The following OXR1 variants were observed in gnomAD, a reference collection of about 807,000 sequenced individuals.
OXR1 encodes oxidation resistance 1.
OXR1 carries 41 observed loss-of-function variants against 104.6 expected under a neutral mutation model. That is an observed-to-expected ratio of 0.39 (90% CI 0.31 to 0.51). The LOEUF is 0.51. Among genes scored for constraint, OXR1 ranks in the 20% least tolerant of loss-of-function variants. The pLI, the probability that OXR1 is intolerant of heterozygous loss-of-function variation, is 0.77. For missense variants in OXR1, 955 were observed against 1,031.9 expected, an observed-to-expected ratio of 0.93 and a Z score of 1.02; for synonymous variants, 348 against 348.4, an observed-to-expected ratio of 1.00 and a Z score of 0.01.
chr8:106,706,779 G>T lies in OXR1; in HGVS notation c.1258G>T (p.Ala420Ser), dbSNP rs1422463446. Residue 420 changes from alanine (A) to serine (S), a missense_variant, in exon 9 of 17, where the codon GCC becomes TCC. Coordinates refer to ENST00000517566, the MANE Select transcript of OXR1 (RefSeq NM_001198533.2). ...HKTDLNNLEM[A>S]IKEDQIADNF... ...AACTGATTTAAATAATCTTGAAATG[G>T]CCATTAAGGAAGATCAGATTGCAGA... The T allele has an allele frequency of 6.2e-7, 1 of 1,612,508 alleles. No individual in the cohort carries two copies. Among genetic ancestry groups the T allele is most frequent in the Admixed American group, 1.7e-5 (1 of 59,612 alleles).
intron 2 of OXR1, among the ~76,000 whole-genome samples, chr8:106,477,070 T>C (rs1297681425): frequency 6.6e-6 from 1 of 152,024 alleles, no homozygotes; most frequent in African/African-American, 2.4e-5. Flanking sequence ...CAGACCTCAA[T>C]CTACAGTACA....
intron 3 of OXR1, among the ~76,000 whole-genome samples, chr8:106,574,719 A>T (rs978068915): frequency 2.0e-5 from 3 of 152,244 alleles, no homozygotes; most frequent in Non-Finnish European, 4.4e-5. Context: ...AGGTTGTCCA[A>T]ATAGAAATAA....
At chr8:106,708,273 C>T (rs1466983936) in intron 9 of OXR1, among the ~76,000 whole-genome samples, 1 of 151,996 alleles carries the variant, frequency 6.6e-6, no homozygotes, top group African/African-American at 2.4e-5. Flanking sequence ...ATGGTGCACA[C>T]CTGTAGGCCC....
intron 3 of OXR1, among the ~76,000 whole-genome samples, chr8:106,640,806 C>T (rs534479884): frequency 1.3e-5 from 2 of 152,212 alleles, no homozygotes; most frequent in Admixed American, 1.3e-4. Context: ...ATAATAGTTA[C>T]AACTTTGTTT....
chr8:106,526,637 G>A (rs1328595851), intron 3 of OXR1, among the ~76,000 whole-genome samples: 2 of 152,180 alleles, frequency 1.3e-5, no homozygotes, highest in Admixed American at 6.5e-5. Flanking sequence ...CCGCCTCCCG[G>A]GTTCACGCCA....
intron 2 of OXR1, among the ~76,000 whole-genome samples, chr8:106,428,744 A>G (rs1370103002): frequency 2.6e-5 from 4 of 152,136 alleles, no homozygotes; most frequent in Non-Finnish European, 5.9e-5. Context: ...GCATTTGAGG[A>G]AAACTGTCTA....
chr8:106,659,460 C>G (rs914517855), intron 3 of OXR1, among the ~76,000 whole-genome samples: 1 of 152,164 alleles, frequency 6.6e-6, no homozygotes, highest in East Asian at 1.9e-4. Flanking sequence ...GAGGGGAATA[C>G]TTTTGTTTCT....
chr8:106,503,395 T>C (rs1189472975), intron 2 of OXR1, among the ~76,000 whole-genome samples: 1 of 152,180 alleles, frequency 6.6e-6, no homozygotes, highest in African/African-American at 2.4e-5. Flanking sequence ...GAAAAGCTGG[T>C]AGACAGGGAC....
At chr8:106,327,070 A>T (rs1814498992) in intron 1 of OXR1, among the ~76,000 whole-genome samples, 1 of 152,130 alleles carries the variant, frequency 6.6e-6, no homozygotes, top group Non-Finnish European at 1.5e-5. Context: ...AATTTCAGTA[A>T]TAAAGTATCC....
At chr8:106,741,503 CT>C (rs1834914435) in intron 14 of OXR1, among the ~76,000 whole-genome samples, 1 of 152,046 alleles carries the variant, frequency 6.6e-6, no homozygotes, top group Non-Finnish European at 1.5e-5. Context: ...GTTTTGTGTA[CT>C]TTTCTATAAT....
intron 1 of OXR1, among the ~76,000 whole-genome samples, chr8:106,291,500 A>G (rs1309638262): frequency 6.6e-6 from 1 of 152,232 alleles, no homozygotes; most frequent in Non-Finnish European, 1.5e-5. Context: ...TAAACAAACA[A>G]AACAAAAAAA....
At chr8:106,479,329 C>A (rs1821980992) in intron 2 of OXR1, among the ~76,000 whole-genome samples, 1 of 151,952 alleles carries the variant, frequency 6.6e-6, no homozygotes, top group Non-Finnish European at 1.5e-5. Context: ...TGTCATGATA[C>A]CTAATGGAAT....
At chr8:106,489,719 G>C (rs939526427) in intron 2 of OXR1, among the ~76,000 whole-genome samples, 1 of 151,874 alleles carries the variant, frequency 6.6e-6, no homozygotes, top group African/African-American at 2.4e-5. Flanking sequence ...ATAGTCTTCT[G>C]TACTTATCAT....
chr8:106,742,248 A>G lies in OXR1; in HGVS notation c.2343A>G (p.Pro781=), dbSNP rs1300319308. 1 of 1,610,148 alleles carries G rather than the reference A, an allele frequency of 6.2e-7. No homozygotes were observed. Among genetic ancestry groups the G allele is most frequent in the East Asian group, 2.2e-5 (1 of 44,798 alleles). ...GQVFGALASE[P]LKVSDGFYGT... ...TTTTTGGTGCGTTAGCATCTGAGCCACTGAAAGTGAGTGATGGCTTTTATG... is the reference window on the plus strand; with the variant it reads ...TTTTTGGTGCGTTAGCATCTGAGCCGCTGAAAGTGAGTGATGGCTTTTATG... Residue 781 remains proline (P), a synonymous_variant, in exon 15 of 17, where the codon CCA becomes CCG. Coordinates refer to ENST00000517566, the MANE Select transcript of OXR1 (RefSeq NM_001198533.2).
chr8:106,597,981 T>G, intron 3 of OXR1, among the ~76,000 whole-genome samples: 1 of 152,212 alleles, frequency 6.6e-6, no homozygotes, highest in East Asian at 1.9e-4. Flanking sequence ...CTCTAAAGAT[T>G]ATCCCAGTCT....
intron 1 of OXR1, among the ~76,000 whole-genome samples, chr8:106,315,518 C>T (rs949831407): frequency 1.3e-5 from 2 of 152,208 alleles, no homozygotes; most frequent in East Asian, 3.9e-4. Context: ...CTTAAAAATC[C>T]TTCTTTTCTG....
chr8:106,457,630 G>A (rs1443156792), intron 2 of OXR1, among the ~76,000 whole-genome samples: 1 of 149,276 alleles, frequency 6.7e-6, no homozygotes, highest in East Asian at 2.0e-4. Flanking sequence ...TTCTGATGAA[G>A]GCATAGAAGA....
At chr8:106,649,845 C>T (rs1483945100) in intron 3 of OXR1, among the ~76,000 whole-genome samples, 1 of 151,978 alleles carries the variant, frequency 6.6e-6, no homozygotes, top group Non-Finnish European at 1.5e-5. Flanking sequence ...TACAGGCACC[C>T]ACCGCCACGC....
chr8:106,696,293 C>A (rs151025133), intron 7 of OXR1, among the ~76,000 whole-genome samples: 1 of 152,128 alleles, frequency 6.6e-6, no homozygotes, highest in Non-Finnish European at 1.5e-5. Flanking sequence ...ATGTCTTTTG[C>A]GGATTGACAC....
Sources: gnomAD v4.1 joint callset for allele counts (sites outside exome capture counted in the v4.1 genomes callset) on GRCh38, gnomAD v4.1.1 for gene constraint, MANE v1.5 for transcripts, NCBI Gene and HGNC (gene_info 2026-07-23, HGNC 2026-07-21) for gene names.